The following HIGD1A variants were observed in gnomAD, a reference collection of about 807,000 sequenced individuals.
HIGD1A encodes the protein HIG1 hypoxia inducible domain family member 1A.
Under a neutral mutation model 11.3 loss-of-function variants are expected in HIGD1A, and 8 were observed. That is an observed-to-expected ratio of 0.71 (90% CI 0.42 to 1.28). The LOEUF (loss-of-function observed/expected upper bound fraction) is 1.28, where lower values mean the gene tolerates loss of function less well. Ranked by LOEUF, HIGD1A falls within the 50% of genes most tolerant of loss-of-function variation. HIGD1A has a pLI of 0.01. For missense variants in HIGD1A, 107 were observed against 118.8 expected, an observed-to-expected ratio of 0.90 and a Z score of 0.46; for synonymous variants, 32 against 38.4, an observed-to-expected ratio of 0.83 and a Z score of 0.62.
chr3:42,794,366 G>C (rs186428613), intron 1 of HIGD1A, 91 bp from the exon 2 acceptor site: 3 of 1,178,702 alleles, frequency 2.5e-6, no homozygotes. Context: ...TAACTTCCAT[G>C]AGAATCTTAG....
intron 2 of HIGD1A, among the ~76,000 whole-genome samples, chr3:42,788,023 C>T (rs562422436): frequency 0.049 from 646 of 13,058 alleles, 1 homozygote; most frequent in Non-Finnish European, 0.41. Flanking sequence ...CACACACATA[C>T]CCCCACCTCT....
intron 2 of HIGD1A, among the ~76,000 whole-genome samples, chr3:42,786,624 C>T (rs1700355111): frequency 6.6e-6 from 1 of 151,810 alleles, no homozygotes; most frequent in Admixed American, 6.6e-5. Flanking sequence ...GGATATTGTA[C>T]TGGGAAGAAG....
chr3:42,794,318 G>T lies in HIGD1A; in HGVS notation c.-22-43C>A. ...TGAGGTTCTGTAATTAAAAGCATCT[G>T]AACATTATTAAATATCTGGATGTAT... On this transcript the variant is annotated intron_variant, in intron 1 of 3. Coordinates refer to ENST00000321331, the MANE Select transcript of HIGD1A (RefSeq NM_014056.4). 2.0e-6 allele frequency: 3 copies of T among 1,506,922 alleles called. No homozygotes were observed. In the South Asian group the frequency reaches 3.9e-5, roughly 20 times the overall value. 93.3% of individuals were successfully genotyped at this position (1,506,922 alleles called of 1,614,324 possible).
At chr3:42,792,567 G>T (rs927072104) in intron 2 of HIGD1A, among the ~76,000 whole-genome samples, 4 of 150,106 alleles carry the variant, frequency 2.7e-5, no homozygotes, top group Admixed American at 2.7e-4. Context: ...CCAGCTACTC[G>T]GGAGGCTGAG....
chr3:42,799,781 C>G (rs1036061054), intron 1 of HIGD1A, among the ~76,000 whole-genome samples: 1 of 152,102 alleles, frequency 6.6e-6, no homozygotes. Context: ...TAGGTCAGAT[C>G]TCTTTCACTG....
intron 2 of HIGD1A, 148 bp from the exon 3 acceptor site, chr3:42,786,310 C>A (rs1700350501): frequency 1.0e-6 from 1 of 968,024 alleles, no homozygotes; most frequent in Admixed American, 3.2e-5. Flanking sequence ...TTCATGTTTT[C>A]CCCTATCAAA....
chr3:42,800,433 C>T lies in HIGD1A; in HGVS notation c.-23+4003G>A, dbSNP rs555485757. On this transcript the variant is annotated intron_variant, in intron 1 of 3. Transcript: ENST00000321331. ...CCTTTCATTTCCCTTCCCAACCCCA[C>T]ATTCTGACCACATTAAATATTTTTA... is the stretch of plus-strand genomic sequence containing the variant. Among the ~76,000 whole-genome samples, 4 of 152,196 alleles carry T rather than the reference C, an allele frequency of 2.6e-5. No individual in the cohort carries two copies. In the East Asian group the frequency reaches 7.7e-4, roughly 29 times the overall value.
At chr3:42,804,100 C>T in intron 1 of HIGD1A, 1 of 1,483,488 alleles carries the variant, frequency 6.7e-7, no homozygotes, top group Non-Finnish European at 9.2e-7. Flanking sequence ...CCGTCGGGCC[C>T]AGTCAACACC....
intron 1 of HIGD1A, among the ~76,000 whole-genome samples, chr3:42,794,717 C>T (rs954660965): frequency 3.2e-4 from 48 of 152,302 alleles, no homozygotes; most frequent in African/African-American, 9.9e-4. Context: ...TAGCACTTTT[C>T]GGTGTAGTTA....
intron 1 of HIGD1A, among the ~76,000 whole-genome samples, chr3:42,795,072 T>G (rs1273965904): frequency 6.6e-6 from 1 of 152,062 alleles, no homozygotes; most frequent in East Asian, 1.9e-4. Context: ...CACTGCAACC[T>G]CCATTTGGCA....
chr3:42,786,196 T>A lies in HIGD1A; in HGVS notation c.98-34A>T, dbSNP rs1187529959. 1.9e-6 allele frequency: 3 copies of A among 1,611,438 alleles called. No individual in the cohort carries two copies. In the East Asian group the frequency reaches 6.7e-5, roughly 36 times the overall value. On this transcript the variant is annotated intron_variant, in intron 2 of 3. Coordinates refer to ENST00000321331, the MANE Select transcript of HIGD1A (RefSeq NM_014056.4). ...CAAAGTAACAAGTATGTCAGATGCATGAGAAGGGACCAAGATGACTTTACC... is the reference window on the plus strand; with the variant it reads ...CAAAGTAACAAGTATGTCAGATGCAAGAGAAGGGACCAAGATGACTTTACC...
intron 2 of HIGD1A, among the ~76,000 whole-genome samples, chr3:42,787,594 A>AATATATATAT (rs1163603645): frequency 1.9e-4 from 27 of 141,246 alleles, no homozygotes; most frequent in African/African-American, 7.1e-4. Flanking sequence ...CCATCTCAAA[A>AATATATATAT]ATATATATAT....
At chr3:42,804,151 C>G (rs376038568) in intron 1 of HIGD1A, 2 of 1,608,882 alleles carry the variant, frequency 1.2e-6, no homozygotes, top group Non-Finnish European at 1.7e-6. Context: ...ATCAGCGAGT[C>G]TTCCCCGCTC....
In HIGD1A at chr3:42,786,136, C is replaced by T. The variant is rs1264627569; in HGVS notation, c.124G>A (p.Ala42Thr). The T allele has an allele frequency of 1.9e-6, 3 of 1,614,024 alleles. No individual in the cohort carries two copies. Among genetic ancestry groups the T allele is most frequent in the East Asian group, 2.2e-5 (1 of 44,874 alleles). Residue 42 changes from alanine (A) to threonine (T), a missense_variant, in exon 3 of 4, where the codon GCA becomes ACA. By Grantham distance (58) the Ala-to-Thr change is moderately conservative. Coordinates refer to ENST00000321331, the MANE Select transcript of HIGD1A (RefSeq NM_014056.4). ...VGIAGFAAIV[A>T]YGLYKLKSRG... is the part of the protein sequence containing the mutation. ...CTCTTCAGTTTATATAATCCATATGCAACAATTGCTGCAAAACCCGCTATT... is the reference window on the plus strand; with the variant it reads ...CTCTTCAGTTTATATAATCCATATGTAACAATTGCTGCAAAACCCGCTATT...
chr3:42,794,042 G>T, intron 2 of HIGD1A, 115 bp downstream of exon 2: 1 of 996,846 alleles, frequency 1.0e-6, no homozygotes, highest in Non-Finnish European at 1.5e-6. Context: ...GCCAATCTCA[G>T]CATATTTCAA....
At chr3:42,801,095 T>A (rs1700553936) in intron 1 of HIGD1A, among the ~76,000 whole-genome samples, 1 of 152,228 alleles carries the variant, frequency 6.6e-6, no homozygotes, top group Non-Finnish European at 1.5e-5. Context: ...TGAGCTGCCA[T>A]CAAAGACTCA....
chr3:42,785,345 G>A (rs778458781), intron 3 of HIGD1A, 25 bp from the exon 4 acceptor site: 2 of 1,585,626 alleles, frequency 1.3e-6, no homozygotes, highest in Non-Finnish European at 1.7e-6. Context: ...TGCTAGTTAA[G>A]CATTTCAGTA....
intron 1 of HIGD1A, chr3:42,804,129 C>T: frequency 6.3e-7 from 1 of 1,596,882 alleles, no homozygotes; most frequent in Non-Finnish European, 8.5e-7. Context: ...CCCCGTCTCT[C>T]ATTACCACCC....
intron 3 of HIGD1A, among the ~76,000 whole-genome samples, chr3:42,785,726 G>C (rs1370486360): frequency 6.6e-6 from 1 of 152,088 alleles, no homozygotes; most frequent in Non-Finnish European, 1.5e-5. Flanking sequence ...AATAGCAATT[G>C]TATGTCTCTC....
Sources: gnomAD v4.1 joint callset for allele counts (sites outside exome capture counted in the v4.1 genomes callset) on GRCh38, gnomAD v4.1.1 for gene constraint, MANE v1.5 for transcripts, NCBI Gene and HGNC (gene_info 2026-07-23, HGNC 2026-07-21) for gene names.